Variants in UBA6 observed in about 807,000 individuals in gnomAD.
UBA6 encodes the protein ubiquitin like modifier activating enzyme 6.
A neutral mutation model predicts 148.3 loss-of-function variants in UBA6; 87 were observed. The ratio of observed to expected loss-of-function variants is 0.59; its 90% CI spans 0.49 to 0.70. The LOEUF (loss-of-function observed/expected upper bound fraction) is 0.70. Among genes scored for constraint, UBA6 ranks in the 30% least tolerant of loss-of-function variants. The pLI is 0.00. For synonymous variants in UBA6, 376 were observed against 401.0 expected, an observed-to-expected ratio of 0.94 and a Z score of 0.75; for missense variants, 1,186 against 1,241.2, an observed-to-expected ratio of 0.96 and a Z score of 0.67.
chr4:67,699,410 C>T (rs1303736152), intron 1 of UBA6, among the ~76,000 whole-genome samples: 3 of 152,178 alleles, frequency 2.0e-5, no homozygotes, highest in African/African-American at 7.2e-5. Flanking sequence ...TCACCAAACA[C>T]TGGCACATAT....
chr4:67,631,899 G>A lies in UBA6; in HGVS notation c.2152C>T (p.Leu718Phe). 6.2e-7 allele frequency: 1 copy of A among 1,611,186 alleles called. No individual in the cohort carries two copies. ...ATGTCCAGAGGGAAACAGTGAAGAAGCTGAAGAGCCTAAAGAAAAAAAATG... is the reference window on the plus strand; with the variant it reads ...ATGTCCAGAGGGAAACAGTGAAGAAACTGAAGAGCCTAAAGAAAAAAAATG... ...EKYFNHKALQLLHCFPLDIRL... is the reference protein window; with the variant it reads ...EKYFNHKALQFLHCFPLDIRL... The change falls in exon 24 of 33, where the codon CTT (leucine) becomes TTT (phenylalanine). Residue 718 changes from leucine (L) to phenylalanine (F), a missense_variant. Leu to Phe is a conservative substitution (Grantham distance 22). Transcript: ENST00000322244.
At chr4:67,636,750 AC>A (rs1435622504) in intron 19 of UBA6, among the ~76,000 whole-genome samples, 2 of 150,662 alleles carry the variant, frequency 1.3e-5, no homozygotes, top group African/African-American at 4.9e-5. Context: ...TACAACCTCC[AC>A]CCCCCAGCCG....
rs763012714 is a variant in UBA6, at chr4:67,634,437, T to C, written c.1924A>G (p.Arg642Gly). 2 of 1,581,156 alleles carry C rather than the reference T, an allele frequency of 1.3e-6. No individual in the cohort carries two copies. Among genetic ancestry groups the C allele is most frequent in the East Asian group, 4.5e-5 (2 of 44,450 alleles). The change falls in exon 21 of 33, where the codon AGA becomes GGA. Residue 642 changes from arginine to glycine, a missense_variant. By Grantham distance (125) the Arg-to-Gly change is moderately radical (BLOSUM62 -2). Coordinates refer to ENST00000322244, the MANE Select transcript of UBA6 (RefSeq NM_018227.6). Reference protein sequence around the residue: ...AAIEHTIQWARDKFESSFSHK... With the variant: ...AAIEHTIQWAGDKFESSFSHK... The stretch of plus-strand genomic sequence containing the variant: ...TAAAAAGGAACTTTTACCTTATCTC[T>C]TGCCCACTGTATGGTATGTTCAATA...
chr4:67,629,267 C>T (rs1162259304), intron 26 of UBA6, 125 bp from the exon 27 acceptor site: 1 of 643,724 alleles, frequency 1.6e-6, no homozygotes, highest in Non-Finnish European at 2.7e-6. Context: ...AATATGTAGA[C>T]ATCCATTTGA....
At chr4:67,691,806 AAAG>A (rs1432141744) in intron 2 of UBA6, among the ~76,000 whole-genome samples, 7 of 150,208 alleles carry the variant, frequency 4.7e-5, no homozygotes, top group African/African-American at 1.7e-4. Flanking sequence ...TAAAAAAAAA[AAAG>A]AAAAGCCATC....
intron 3 of UBA6, 132 bp downstream of exon 3, chr4:67,681,987 T>C (rs1730451672): frequency 2.9e-6 from 2 of 686,510 alleles, no homozygotes; most frequent in Non-Finnish European, 5.0e-6. Flanking sequence ...TTGACAAAGA[T>C]TAAAAACTCA....
At chr4:67,700,662 C>G (rs1253758216) in intron 1 of UBA6, among the ~76,000 whole-genome samples, 1 of 152,074 alleles carries the variant, frequency 6.6e-6, no homozygotes, top group Non-Finnish European at 1.5e-5. Context: ...CAGTGGCGCT[C>G]CTAGCTTTCT....
At chr4:67,630,968 G>A (rs530973178) in intron 25 of UBA6, among the ~76,000 whole-genome samples, 1 of 152,264 alleles carries the variant, frequency 6.6e-6, no homozygotes, top group South Asian at 2.1e-4. Context: ...TCCAGCATAA[G>A]GTGACTGGAA....
chr4:67,623,316 T>C, intron 30 of UBA6, 94 bp from the exon 31 acceptor site: 1 of 809,412 alleles, frequency 1.2e-6, no homozygotes, highest in Non-Finnish European at 2.1e-6. Flanking sequence ...CAGAAGTCCA[T>C]TATTTGTGAT....
Position 67,646,798 on chromosome 4 carries a change from G to A in UBA6, c.1249-7C>T. ...CTGCTGCTTCAAGATATAACTTAAA[G>A]TAGAAGATTAAAAACACAATTATTA... On this transcript the variant is annotated splice_polypyrimidine_tract_variant and splice_region_variant and intron_variant, in intron 14 of 32. Coordinates refer to ENST00000322244, the MANE Select transcript of UBA6 (RefSeq NM_018227.6). 6.3e-7 allele frequency: 1 copy of A among 1,580,272 alleles called. No individual in the cohort carries two copies. Among genetic ancestry groups the A allele is most frequent in the Non-Finnish European group, 8.6e-7 (1 of 1,161,876 alleles).
intron 13 of UBA6, 161 bp downstream of exon 13, chr4:67,662,028 C>G: frequency 3.4e-6 from 2 of 589,484 alleles, no homozygotes; most frequent in Non-Finnish European, 5.9e-6. Context: ...TAGGTTAACT[C>G]TATTTTATAG....
At chr4:67,700,601 C>A (rs1577849662) in intron 1 of UBA6, among the ~76,000 whole-genome samples, 3 of 151,792 alleles carry the variant, frequency 2.0e-5, no homozygotes, top group Non-Finnish European at 4.4e-5. Flanking sequence ...TTCATTCTTA[C>A]CAAGTTCCTT....
chr4:67,631,733 T>G lies in UBA6; in HGVS notation c.2233A>C (p.Ile745Leu). 7 of 1,610,168 alleles carry G rather than the reference T, an allele frequency of 4.3e-6. No individual in the cohort carries two copies. The highest frequency in any genetic ancestry group is 5.9e-6 in the Non-Finnish European group (7 of 1,178,264). The change falls in exon 25 of 33, where the codon ATA becomes CTA. Residue 745 changes from isoleucine (I) to leucine (L), a missense_variant. Physicochemically the swap from Ile to Leu is conservative, Grantham distance 5. Transcript: ENST00000322244. ...WQSPKRPPSP[I>L]KFDLNEPLHL... is the part of the protein sequence containing the mutation. ...AAAGGCTCATTTAAATCAAATTTTA[T>G]TGGAGAGGGTGGCCTCTTTGGTGAC...
At chr4:67,700,916 C>A (rs1730965508) in intron 1 of UBA6, 133 bp downstream of exon 1, 3 of 1,089,628 alleles carry the variant, frequency 2.8e-6, no homozygotes, top group Non-Finnish European at 4.0e-6. Context: ...GCGCGCCCCT[C>A]GCCTCCCAGG....
chr4:67,668,598 T>C lies in UBA6; in HGVS notation c.746A>G (p.Glu249Gly). The part of the protein sequence containing the change: ...LETGQFLTFR[E>G]INGMTGLNGS... ...ATTTAAACCTGTCATTCCATTAATTTCTCGAAATGTTAGGAATTGTCCTGT... is the reference window on the plus strand; with the variant it reads ...ATTTAAACCTGTCATTCCATTAATTCCTCGAAATGTTAGGAATTGTCCTGT... Residue 249 changes from glutamate to glycine, a missense_variant, in exon 9 of 33, where the codon GAA becomes GGA. Glu to Gly is a moderately conservative substitution (Grantham distance 98). Transcript: ENST00000322244. 1.2e-6 allele frequency: 2 copies of C among 1,613,126 alleles called. No individual in the cohort carries two copies. Among genetic ancestry groups the C allele is most frequent in the Non-Finnish European group, 1.7e-6 (2 of 1,179,196 alleles).
intron 19 of UBA6, among the ~76,000 whole-genome samples, chr4:67,637,968 A>AT (rs397993844): frequency 2.0e-5 from 3 of 151,344 alleles, no homozygotes; most frequent in African/African-American, 7.3e-5. Context: ...AAATAAATAA[A>AT]AAGAAATTTA....
chr4:67,636,478 C>A (rs1176564017), intron 19 of UBA6, among the ~76,000 whole-genome samples: 2 of 152,226 alleles, frequency 1.3e-5, no homozygotes, highest in Non-Finnish European at 2.9e-5. Context: ...TCTCAGCTCA[C>A]TGCAACCTCC....
Position 67,699,931 on chromosome 4 carries a change from A to G in UBA6, c.71+1118T>C, listed in dbSNP as rs531357763. ...AAAGTTTTTTATTATCTACTTTCCT[A>G]TCATTTTATCCCTAGTACACTTTCA... On this transcript the variant is annotated intron_variant, in intron 1 of 32. Transcript: ENST00000322244. Among the ~76,000 whole-genome samples the G allele has an allele frequency of 1.1e-4, 17 of 152,170 alleles. No individual in the cohort carries two copies. The East Asian group carries it at 3.3e-3, about 29-fold the overall frequency.
At chr4:67,628,173 T>C (rs188083455) in intron 27 of UBA6, among the ~76,000 whole-genome samples, 13 of 152,062 alleles carry the variant, frequency 8.5e-5, no homozygotes, top group Admixed American at 3.3e-4. Flanking sequence ...ACTCTTCCAC[T>C]TCACTGGACA....
Sources: gnomAD v4.1 joint callset for allele counts (sites outside exome capture counted in the v4.1 genomes callset) on GRCh38, gnomAD v4.1.1 for gene constraint, MANE v1.5 for transcripts, NCBI Gene and HGNC (gene_info 2026-07-23, HGNC 2026-07-21) for gene names.